CPD: variants seen among roughly 807,000 people sequenced by gnomAD.
CPD encodes the protein carboxypeptidase D, also known as metallocarboxypeptidase D.
CPD carries 69 observed loss-of-function variants against 138.3 expected under a neutral mutation model. That is an observed-to-expected ratio of 0.50 (90% CI 0.41 to 0.61). The LOEUF is 0.61. CPD is among the 20% of genes least tolerant of loss of function. The probability of loss-of-function intolerance (pLI) is 0.00; values close to 1 mark genes in which losing one functional copy is unlikely to be tolerated. For missense variants in CPD, 1,432 were observed against 1,733.3 expected (o/e 0.83, Z 3.09); for synonymous variants, 651 against 642.1 (o/e 1.01, Z -0.21).
chr17:30,464,117 A>G (rs1392629143), intron 20 of CPD, among the ~76,000 whole-genome samples: 4 of 152,136 alleles, frequency 2.6e-5, no homozygotes, highest in African/African-American at 7.2e-5. Flanking sequence ...GGAGCCAGGC[A>G]TGGTGGCTCA....
intron 2 of CPD, among the ~76,000 whole-genome samples, chr17:30,405,721 G>T (rs2143367168): frequency 6.6e-6 from 1 of 152,074 alleles, no homozygotes; most frequent in East Asian, 1.9e-4. Flanking sequence ...GGCAATGCAG[G>T]TCCCCTCTTA....
chr17:30,424,677 T>C (rs1912355223), intron 6 of CPD, among the ~76,000 whole-genome samples: 1 of 152,254 alleles, frequency 6.6e-6, no homozygotes, highest in African/African-American at 2.4e-5. Context: ...GCTAATTTAT[T>C]GACTTCTCAT....
At chr17:30,400,419 T>C (rs1911622705) in intron 2 of CPD, among the ~76,000 whole-genome samples, 1 of 152,126 alleles carries the variant, frequency 6.6e-6, no homozygotes, top group African/African-American at 2.4e-5. Flanking sequence ...GACAATGTTA[T>C]AATTTTTACT....
intron 6 of CPD, among the ~76,000 whole-genome samples, chr17:30,426,050 A>C (rs12451230): frequency 0.4 from 60,595 of 151,714 alleles, 13,453 homozygotes; most frequent in East Asian, 0.82. Context: ...GATACAAAAA[A>C]TTAGCTGGGC....
chr17:30,441,825 G>C lies in CPD; in HGVS notation c.2231-483G>C, dbSNP rs868819060. On this transcript the variant is annotated intron_variant, in intron 9 of 20. Coordinates refer to ENST00000225719, the MANE Select transcript of CPD (RefSeq NM_001304.5). ...GGATTCAGTTTGCCAGTATTTTATT[G>C]AGGATTTTTGCATCAATGTTCATCA... Among the ~76,000 whole-genome samples the C allele has an allele frequency of 3.8e-4, 57 of 148,118 alleles. No individual in the cohort carries two copies. In the Middle Eastern group the frequency reaches 0.01, roughly 27 times the overall value.
At chr17:30,389,569 T>C (rs1248958715) in intron 2 of CPD, among the ~76,000 whole-genome samples, 2 of 152,184 alleles carry the variant, frequency 1.3e-5, no homozygotes, top group East Asian at 3.8e-4. Flanking sequence ...TTGGAAAAAG[T>C]TGTAAAAGGT....
In CPD at chr17:30,466,737, G is replaced by A. The variant is rs1913651121; in HGVS notation, c.*1923G>A. ...AAGTGAAACAAAGTTAATGTGACAA[G>A]CTTTGCTTTGTTATCATTGGTCTTC... On this transcript the variant is annotated 3_prime_UTR_variant, in exon 21 of 21. Transcript: ENST00000225719. 1 of 152,614 alleles carries A rather than the reference G, an allele frequency of 6.6e-6. No homozygotes were observed. The highest frequency in any genetic ancestry group is 1.5e-5 in the Non-Finnish European group (1 of 68,008). 9.5% of individuals were successfully genotyped at this position (152,614 alleles called of 1,614,324 possible). A position where few individuals can be genotyped will look rare whatever the true frequency, so the allele number is the denominator to read the frequency against.
intron 3 of CPD, 22 bp downstream of exon 3, chr17:30,421,005 G>A: frequency 6.2e-7 from 1 of 1,610,548 alleles, no homozygotes; most frequent in Non-Finnish European, 8.5e-7. Flanking sequence ...TGACTGGAAT[G>A]TTGGGGTATA....
intron 2 of CPD, among the ~76,000 whole-genome samples, chr17:30,416,660 C>T (rs1052296773): frequency 1.3e-5 from 2 of 152,182 alleles, no homozygotes; most frequent in Middle Eastern, 3.2e-3. Context: ...TTTCCCCCTG[C>T]CTTTGAAATG....
chr17:30,392,155 A>G (rs1032018706), intron 2 of CPD, among the ~76,000 whole-genome samples: 1 of 151,820 alleles, frequency 6.6e-6, no homozygotes, highest in Non-Finnish European at 1.5e-5. Flanking sequence ...TGTTACAAGC[A>G]TGCACCACTA....
chr17:30,431,919 A>T (rs373418751), intron 8 of CPD, 38 bp downstream of exon 8: 4 of 1,356,824 alleles, frequency 2.9e-6, no homozygotes, highest in Non-Finnish European at 4.1e-6. Context: ...TACAAAATTA[A>T]TTCTTTTATT....
intron 2 of CPD, among the ~76,000 whole-genome samples, chr17:30,412,310 T>A (rs1911988297): frequency 1.3e-5 from 2 of 152,170 alleles, no homozygotes; most frequent in South Asian, 2.1e-4. Context: ...GGGAGGTGTC[T>A]CCCAGTCAGT....
chr17:30,399,194 G>C (rs1911586180), intron 2 of CPD, among the ~76,000 whole-genome samples: 1 of 152,036 alleles, frequency 6.6e-6, no homozygotes, highest in Admixed American at 6.5e-5. Context: ...ATGTAAGTTT[G>C]ACCTAGGTCA....
intron 13 of CPD, among the ~76,000 whole-genome samples, chr17:30,450,752 G>T (rs1322121712): frequency 6.6e-6 from 1 of 152,150 alleles, no homozygotes; most frequent in Non-Finnish European, 1.5e-5. Flanking sequence ...CTAGCTACTT[G>T]GGACGCTAAA....
intron 18 of CPD, among the ~76,000 whole-genome samples, chr17:30,461,609 A>G (rs535476229): frequency 1.3e-5 from 2 of 152,280 alleles, no homozygotes; most frequent in African/African-American, 4.8e-5. Flanking sequence ...GCATTGGAAG[A>G]TTGGGTTCTA....
At chr17:30,459,178 C>CT (rs34962593) in intron 17 of CPD, among the ~76,000 whole-genome samples, 46,518 of 112,888 alleles carry the variant, frequency 0.41, 10,514 homozygotes, top group East Asian at 0.8. Flanking sequence ...TGTTGTTTTC[C>CT]TTTTTTTTAA....
At chr17:30,438,835 C>G in intron 8 of CPD, 140 bp from the exon 9 acceptor site, 1 of 514,454 alleles carries the variant, frequency 1.9e-6, no homozygotes, top group East Asian at 3.4e-5. Flanking sequence ...TCTCACTGCT[C>G]ATAGCCCCAC....
intron 15 of CPD, 109 bp downstream of exon 15, chr17:30,455,579 CTA>C: frequency 1.6e-6 from 2 of 1,231,666 alleles, no homozygotes; most frequent in South Asian, 1.4e-5. Flanking sequence ...TGAGCACACT[CTA>C]TGAGCAAATT....
intron 1 of CPD, among the ~76,000 whole-genome samples, chr17:30,383,159 C>CTGGCAG (rs1911095270): frequency 1.3e-5 from 2 of 152,244 alleles, no homozygotes; most frequent in East Asian, 3.9e-4. Context: ...TACCCAAGGA[C>CTGGCAG]TGGCAGTGGA....
Sources: gnomAD v4.1 joint callset for allele counts (sites outside exome capture counted in the v4.1 genomes callset) on GRCh38, gnomAD v4.1.1 for gene constraint, MANE v1.5 for transcripts, NCBI Gene and HGNC (gene_info 2026-07-23, HGNC 2026-07-21) for gene names.